The following IGSF10 variants were observed in gnomAD, a reference collection of about 807,000 sequenced individuals.
The protein encoded by IGSF10 is immunoglobulin superfamily member 10.
IGSF10 carries 126 observed loss-of-function variants against 128.2 expected under a neutral mutation model. The observed-to-expected ratio is 0.98, with a 90% CI of 0.85 to 1.14. IGSF10 has a LOEUF of 1.14. Among genes scored for constraint, IGSF10 ranks in the 50% most tolerant of loss-of-function variants. IGSF10 has a pLI of 0.00. For missense variants in IGSF10, 3,295 were observed against 3,149.8 expected, an observed-to-expected ratio of 1.05 and a Z score of -1.10; for synonymous variants, 1,185 against 1,146.2, an observed-to-expected ratio of 1.03 and a Z score of -0.68.
At chr3:151,433,957 T>A (rs1282574355), downstream of IGSF10, 1 of 152,650 alleles carries the variant, frequency 6.6e-6, no homozygotes, top group Non-Finnish European at 1.5e-5. Flanking sequence ...TGTTCAAGTA[T>A]GTGGTAATTT....
At chr3:151,603,491 C>A in the IGSF10 span, among the ~76,000 whole-genome samples, 2 of 152,196 alleles carry the variant, frequency 1.3e-5, no homozygotes, top group African/African-American at 4.8e-5. Flanking sequence ...TCTACCAGCT[C>A]TTCTTTCTTT....
At chr3:151,554,319 A>C in the IGSF10 span, among the ~76,000 whole-genome samples, 1 of 152,154 alleles carries the variant, frequency 6.6e-6, no homozygotes, top group Admixed American at 6.5e-5. Context: ...AAAATAAAAA[A>C]ATTATATACT....
chr3:151,609,941 A>G, the IGSF10 span, among the ~76,000 whole-genome samples: 13 of 152,310 alleles, frequency 8.5e-5, no homozygotes, highest in African/African-American at 2.9e-4. Context: ...AGCATCATGC[A>G]GTACACCCAT....
the IGSF10 span, among the ~76,000 whole-genome samples, chr3:151,587,012 A>C: frequency 1.3e-5 from 2 of 152,220 alleles, no homozygotes; most frequent in Non-Finnish European, 2.9e-5. Flanking sequence ...GGAATTAATA[A>C]AGTAAATAAA....
At chr3:151,484,761 A>T in the IGSF10 span, among the ~76,000 whole-genome samples, 1 of 151,688 alleles carries the variant, frequency 6.6e-6, no homozygotes, top group Non-Finnish European at 1.5e-5. Context: ...AATCAACATC[A>T]ACAAAAAGGA....
At chr3:151,478,925 T>A in the IGSF10 span, among the ~76,000 whole-genome samples, 2 of 152,198 alleles carry the variant, frequency 1.3e-5, no homozygotes, top group Non-Finnish European at 2.9e-5. Context: ...AAACCAAAAA[T>A]ATCAAGGGTA....
At position 151,436,721 on chromosome 3, in the gene IGSF10, C is replaced by G; in HGVS notation, c.7840G>C (p.Asp2614His). The G allele has an allele frequency of 6.2e-7, 1 of 1,612,448 alleles. No individual in the cohort carries two copies. Among genetic ancestry groups the G allele is most frequent in the Non-Finnish European group, 8.5e-7 (1 of 1,179,270 alleles). Residue 2614 changes from aspartate to histidine, a missense_variant, in exon 8 of 8, where the codon GAT (aspartate) becomes CAT (histidine). Transcript: ENST00000282466. Reference sequence around the variant, plus strand: ...ACTTGAATATACGTTGCTGCATAATCACTACCAAGTGGGTTCTTTGCTGTG... The same window carrying G: ...ACTTGAATATACGTTGCTGCATAATGACTACCAAGTGGGTTCTTTGCTGTG... ...KCTAKNPLGS[D>H]YAATYIQVI is the part of the protein sequence containing the mutation.
At position 151,447,124 on chromosome 3, in the gene IGSF10, T is replaced by A; in HGVS notation, c.2857A>T (p.Ser953Cys). The A allele has an allele frequency of 6.2e-7, 1 of 1,614,242 alleles. No individual in the cohort carries two copies. The highest frequency in any genetic ancestry group is 8.5e-7 in the Non-Finnish European group (1 of 1,180,030). Reference protein sequence around the residue: ...LLLESVNTTNSHQTSVREVSE... With the variant: ...LLLESVNTTNCHQTSVREVSE... ...ACTTCTCTTACAGATGTCTGATGAC[T>A]ATTTGTGGTATTTACTGACTCTAAT... Residue 953 changes from serine (S) to cysteine (C), a missense_variant, in exon 6 of 8, where the codon AGT becomes TGT. Coordinates refer to ENST00000282466, the MANE Select transcript of IGSF10 (RefSeq NM_178822.5).
chr3:151,523,315 A>G, the IGSF10 span, among the ~76,000 whole-genome samples: 24 of 152,280 alleles, frequency 1.6e-4, no homozygotes, highest in African/African-American at 5.3e-4. Context: ...AGAAAAAACT[A>G]TTTTAAAATT....
chr3:151,510,957 G>A, the IGSF10 span, among the ~76,000 whole-genome samples: 14 of 152,168 alleles, frequency 9.2e-5, no homozygotes, highest in Non-Finnish European at 2.1e-4. Context: ...AGAAATATGG[G>A]ACTATGTGAA....
At chr3:151,541,997 T>C in the IGSF10 span, among the ~76,000 whole-genome samples, 63 of 152,292 alleles carry the variant, frequency 4.1e-4, no homozygotes, top group African/African-American at 1.4e-3. Context: ...TTCCTTAAAT[T>C]ACTGTTGCTT....
At chr3:151,537,904 C>T in the IGSF10 span, among the ~76,000 whole-genome samples, 11 of 152,252 alleles carry the variant, frequency 7.2e-5, no homozygotes, top group East Asian at 3.9e-4. Context: ...TATAGACATA[C>T]GTTCTTTCTG....
the IGSF10 span, among the ~76,000 whole-genome samples, chr3:151,511,967 G>A: frequency 6.6e-6 from 1 of 152,108 alleles, no homozygotes; most frequent in South Asian, 2.1e-4. Context: ...CATAAAGCAA[G>A]TCCTTAGTGA....
the IGSF10 span, among the ~76,000 whole-genome samples, chr3:151,613,122 C>A: frequency 6.6e-5 from 10 of 152,236 alleles, no homozygotes; most frequent in South Asian, 1.9e-3. Context: ...ACCTAAGAAT[C>A]CAACTTACAA....
At chr3:151,614,569 G>A in the IGSF10 span, among the ~76,000 whole-genome samples, 1 of 151,922 alleles carries the variant, frequency 6.6e-6, no homozygotes, top group East Asian at 1.9e-4. Context: ...ACTATCGCAA[G>A]GACAAAAAAC....
the IGSF10 span, among the ~76,000 whole-genome samples, chr3:151,530,884 T>G: frequency 1.3e-5 from 2 of 152,142 alleles, no homozygotes; most frequent in African/African-American, 4.8e-5. Context: ...TAAATGTAAA[T>G]GGGCTAAATG....
At chr3:151,554,531 T>C in the IGSF10 span, among the ~76,000 whole-genome samples, 5 of 147,896 alleles carry the variant, frequency 3.4e-5, no homozygotes, top group Non-Finnish European at 5.9e-5. Flanking sequence ...ACCTATTTTA[T>C]CTATTATAAA....
chr3:151,568,404 G>A, the IGSF10 span, among the ~76,000 whole-genome samples: 5 of 151,902 alleles, frequency 3.3e-5, no homozygotes, highest in African/African-American at 4.8e-5. Flanking sequence ...TTTAATTATC[G>A]GTATTACAAT....
the IGSF10 span, among the ~76,000 whole-genome samples, chr3:151,489,332 T>C: frequency 6.6e-6 from 1 of 152,148 alleles, no homozygotes; most frequent in Non-Finnish European, 1.5e-5. Flanking sequence ...CAACAGATGC[T>C]GGAGAGGATG....
Sources: allele counts gnomAD v4.1 joint callset (sites outside exome capture counted in the v4.1 genomes callset), GRCh38; gene constraint gnomAD v4.1.1; transcripts MANE v1.5; gene names NCBI Gene and HGNC (gene_info 2026-07-23, HGNC 2026-07-21).